SCP2: variants seen among roughly 807,000 people sequenced by gnomAD.
SCP2 encodes SCP-2/3-oxoacyl-CoA thiolase.
SCP2 carries 48 observed loss-of-function variants against 71.4 expected under a neutral mutation model. The observed-to-expected ratio is 0.67, with a 90% confidence interval of 0.53 to 0.86. SCP2 has a LOEUF of 0.86. Among genes scored for constraint, SCP2 ranks in the 40% least tolerant of loss-of-function variants. SCP2 has a pLI of 0.00. For missense variants in SCP2, 560 were observed against 655.6 expected, an observed-to-expected ratio of 0.85 and a Z score of 1.59; for synonymous variants, 220 against 218.1, an observed-to-expected ratio of 1.01 and a Z score of -0.08.
rs575078974 is a variant in SCP2, at chr1:52,976,817, C to T, written c.674+48C>T. ...TTTAATGAGGGAAGTAACTGCTGCC[C>T]TTCCTGCCACCCCCCTGTGGTTAAA... is the stretch of plus-strand genomic sequence containing the variant. On this transcript the variant is annotated intron_variant, in intron 8 of 15. Coordinates refer to ENST00000371514, the MANE Select transcript of SCP2 (RefSeq NM_002979.5). 42 of 927,454 alleles carry T rather than the reference C, an allele frequency of 4.5e-5. No homozygotes were observed. In the African/African-American group the frequency reaches 6.3e-4, roughly 14 times the overall value. 57.5% of individuals were successfully genotyped at this position (927,454 alleles called of 1,614,324 possible).
In SCP2 at chr1:52,929,198, T is replaced by C. The variant is rs1018887622; in HGVS notation, c.69+1733T>C. On this transcript the variant is annotated intron_variant, in intron 1 of 15. Coordinates refer to ENST00000371514, the MANE Select transcript of SCP2 (RefSeq NM_002979.5). ...TATTGACTAGACAACACTGTAACAC[T>C]TTTTTTTTTTTTTTTGGAAGACGGA... is the stretch of plus-strand genomic sequence containing the variant. 0.027 allele frequency among the ~76,000 whole-genome samples: 412 copies of C among 15,224 alleles called. 4 individuals are homozygous for C. The African/African-American group carries it at 0.32, about 12-fold the overall frequency. The allele number at this position is 15,224 out of a possible 152,430, so 10.0% of individuals were successfully genotyped here. A position where few individuals can be genotyped will look rare whatever the true frequency, so the allele number is the denominator to read the frequency against.
At position 52,957,197 on chromosome 1, in the gene SCP2, T is replaced by TGCCCCTG. The variant is rs60491467; in HGVS notation, c.396+2421_396+2427dup. Among the ~76,000 whole-genome samples, 842 of 151,804 alleles carry TGCCCCTG rather than the reference T, an allele frequency of 5.5e-3. 4 individuals carry two copies. The highest frequency in any genetic ancestry group is 0.018 in the African/African-American group (728 of 41,452). ...TGCTGGGATTACAGGCGTGAGCCACTGCCCCTGGCCCCTGGCCCCTGGCCC... is the reference window on the plus strand; with the variant it reads ...TGCTGGGATTACAGGCGTGAGCCACTGCCCCTGGCCCCTGGCCCCTGGCCCCTGGCCC... On this transcript the variant is annotated intron_variant, in intron 5 of 15. Transcript: ENST00000371514.
intron 10 of SCP2, among the ~76,000 whole-genome samples, chr1:52,982,257 A>G (rs1658579989): frequency 6.6e-6 from 1 of 152,224 alleles, no homozygotes; most frequent in South Asian, 2.1e-4. Context: ...ATATTGTCAA[A>G]TGTCTTCTGG....
At chr1:53,027,705 A>G (rs552425015) in intron 12 of SCP2, among the ~76,000 whole-genome samples, 34 of 152,184 alleles carry the variant, frequency 2.2e-4, no homozygotes, top group Admixed American at 1.8e-3. Flanking sequence ...GGGTTTCTCC[A>G]TGGTGGCCAG....
At chr1:52,946,476 A>G (rs936655523) in intron 2 of SCP2, among the ~76,000 whole-genome samples, 3 of 152,078 alleles carry the variant, frequency 2.0e-5, no homozygotes, top group African/African-American at 7.2e-5. Context: ...TCAGCCTCCT[A>G]AAGTACAGTA....
chr1:52,995,967 C>T, intron 11 of SCP2: 2 of 1,430,706 alleles, frequency 1.4e-6, no homozygotes, highest in Admixed American at 2.5e-5. Flanking sequence ...TCAGCAGTAC[C>T]AGGATGCCAC....
chr1:52,957,925 T>C (rs1305763366), intron 5 of SCP2, among the ~76,000 whole-genome samples: 1 of 151,922 alleles, frequency 6.6e-6, no homozygotes, highest in African/African-American at 2.4e-5. Context: ...TTGCCTTTGC[T>C]TCTTTGTCAT....
chr1:52,987,891 T>C, intron 10 of SCP2, 138 bp from the exon 11 acceptor site: 1 of 643,824 alleles, frequency 1.6e-6, no homozygotes, highest in East Asian at 2.8e-5. Flanking sequence ...AAAGTGCTTA[T>C]GTCAAATTAT....
intron 11 of SCP2, among the ~76,000 whole-genome samples, chr1:53,006,955 A>G (rs1660678219): frequency 6.6e-6 from 1 of 152,188 alleles, no homozygotes. Flanking sequence ...GCAAATGGAA[A>G]ACAAAAAAAA....
chr1:52,997,089 A>G (rs1659986237), intron 11 of SCP2, among the ~76,000 whole-genome samples: 1 of 152,266 alleles, frequency 6.6e-6, no homozygotes, highest in South Asian at 2.1e-4. Context: ...TTACAGCAGC[A>G]TTATTCATAA....
chr1:52,982,436 G>A (rs1003312560), intron 10 of SCP2, among the ~76,000 whole-genome samples: 3 of 152,086 alleles, frequency 2.0e-5, no homozygotes, highest in African/African-American at 4.8e-5. Flanking sequence ...CGGGCATGGT[G>A]TTGGGCACCT....
In SCP2 at chr1:52,956,902, C is replaced by CTTT. The variant is rs370787153; in HGVS notation, c.396+2121_396+2123dup. Among the ~76,000 whole-genome samples the CTTT allele has an allele frequency of 1.0e-3, 111 of 105,900 alleles. 1 individual carries two copies. Among genetic ancestry groups the CTTT allele is most frequent in the Middle Eastern group, 5.7e-3 (1 of 176 alleles). 69.5% of individuals were successfully genotyped at this position (105,900 alleles called of 152,430 possible). ...ATAAATTAAAAGTCCCTCCTTCTGCCTTTTTTTTTTTTTTTTTTTTTTTTT... is the reference window on the plus strand; with the variant it reads ...ATAAATTAAAAGTCCCTCCTTCTGCCTTTTTTTTTTTTTTTTTTTTTTTTTTTT... On this transcript the variant is annotated intron_variant, in intron 5 of 15. Transcript: ENST00000371514.
chr1:52,980,114 C>T (rs994606836), intron 9 of SCP2, among the ~76,000 whole-genome samples: 2 of 152,058 alleles, frequency 1.3e-5, no homozygotes, highest in African/African-American at 4.8e-5. Context: ...TCTGGGACCA[C>T]AGGCACATAC....
At chr1:52,941,311 C>T (rs1410916994) in intron 1 of SCP2, among the ~76,000 whole-genome samples, 1 of 152,172 alleles carries the variant, frequency 6.6e-6, no homozygotes, top group Non-Finnish European at 1.5e-5. Flanking sequence ...TGTAGTGTAA[C>T]TGTCTGTCTT....
intron 11 of SCP2, among the ~76,000 whole-genome samples, chr1:53,003,581 T>A (rs201358957): frequency 1.3e-5 from 2 of 152,088 alleles, no homozygotes; most frequent in East Asian, 3.9e-4. Flanking sequence ...GCAAACATGG[T>A]GCAAACATGC....
intron 2 of SCP2, among the ~76,000 whole-genome samples, chr1:52,944,213 A>T (rs986047175): frequency 6.6e-6 from 1 of 152,146 alleles, no homozygotes; most frequent in Non-Finnish European, 1.5e-5. Context: ...TTGCCAGGCA[A>T]CCCAAAAGGA....
At position 52,997,133 on chromosome 1, in the gene SCP2, C is replaced by A. The variant is rs141165545; in HGVS notation, c.1081+8997C>A. On this transcript the variant is annotated intron_variant, in intron 11 of 15. Transcript: ENST00000371514. ...AGCTGGAAACAAGCCAGATGTCTAT[C>A]ATCAACTGATGAGCAAAATGTGGTA... is the stretch of plus-strand genomic sequence containing the variant. 1.3e-3 allele frequency among the ~76,000 whole-genome samples: 193 copies of A among 152,320 alleles called. 1 individual carries two copies. The highest frequency in any genetic ancestry group is 2.4e-3 in the Non-Finnish European group (160 of 68,026).
intron 8 of SCP2, among the ~76,000 whole-genome samples, chr1:52,977,605 G>A (rs1227341695): frequency 6.6e-6 from 1 of 152,168 alleles, no homozygotes; most frequent in Non-Finnish European, 1.5e-5. Flanking sequence ...TAACCTTTTG[G>A]ACTTACTCCT....
chr1:52,992,020 G>A (rs1659549850), intron 11 of SCP2, among the ~76,000 whole-genome samples: 1 of 152,104 alleles, frequency 6.6e-6, no homozygotes, highest in Admixed American at 6.5e-5. Flanking sequence ...CTTAATACTT[G>A]AAATAACAAT....
Sources: gnomAD v4.1 joint callset for allele counts (sites outside exome capture counted in the v4.1 genomes callset) on GRCh38, gnomAD v4.1.1 for gene constraint, MANE v1.5 for transcripts, NCBI Gene and HGNC (gene_info 2026-07-23, HGNC 2026-07-21) for gene names.